MYH10: variants seen among roughly 807,000 people sequenced by gnomAD.
MYH10 encodes myosin heavy chain 10.
MYH10 carries 55 observed loss-of-function variants against 257.8 expected under a neutral mutation model. The ratio of observed to expected loss-of-function variants is 0.21; its 90% CI spans 0.17 to 0.27. The LOEUF is 0.27. Among genes scored for constraint, MYH10 ranks in the 10% least tolerant of loss-of-function variants. MYH10 has a pLI of 1.00. For synonymous variants in MYH10, 854 were observed against 921.7 expected, an observed-to-expected ratio of 0.93 and a Z score of 1.33; for missense variants, 1,631 against 2,500.6, an observed-to-expected ratio of 0.65 and a Z score of 7.42.
At chr17:8,487,654 A>C (rs1219529617) in intron 35 of MYH10, 60 bp from the exon 36 acceptor site, 4 of 1,593,798 alleles carry the variant, frequency 2.5e-6, no homozygotes, top group Non-Finnish European at 8.6e-7. Context: ...CAGAACAGGC[A>C]GACTGTTCTC....
In MYH10 at chr17:8,575,706, A is replaced by G. The variant is rs1418238134; in HGVS notation, c.663+937T>C. 3.9e-5 allele frequency among the ~76,000 whole-genome samples: 6 copies of G among 152,198 alleles called. No individual in the cohort carries two copies. The East Asian group carries it at 1.2e-3, about 29-fold the overall frequency. On this transcript the variant is annotated intron_variant, in intron 6 of 42. Coordinates refer to ENST00000360416, the MANE Select transcript of MYH10 (RefSeq NM_001256012.3). ...TCGATATTATTGTTTCTTGCTTTAT[A>G]TCAGCTTTATATCATTATGTTTGTG...
chr17:8,488,373 C>T (rs1042597329), intron 35 of MYH10, among the ~76,000 whole-genome samples: 2 of 152,204 alleles, frequency 1.3e-5, no homozygotes, highest in Non-Finnish European at 2.9e-5. Flanking sequence ...AGCTGTTGAG[C>T]TCCAAACCTT....
rs760970570 is a variant in MYH10, at chr17:8,477,330, ACT to A, written c.5707-284_5707-283del. On this transcript the variant is annotated intron_variant, in intron 41 of 42. Transcript: ENST00000360416. This position sits in a 1 kb window ranked among gnomAD's most constrained non-coding sequence, Gnocchi z 4.2. ...TTTCTGCAGAAAAATGACAGCGTTT[ACT>A]GTCTTCACACACGTGACCTAGGGGA... Among the ~76,000 whole-genome samples the A allele has an allele frequency of 6.6e-6, 1 of 152,146 alleles. No individual in the cohort carries two copies. Among genetic ancestry groups the A allele is most frequent in the Non-Finnish European group, 1.5e-5 (1 of 68,012 alleles).
At chr17:8,509,741 G>A in intron 25 of MYH10, 71 bp downstream of exon 25, 1 of 1,417,846 alleles carries the variant, frequency 7.1e-7, no homozygotes, top group South Asian at 1.5e-5. Context: ...CTTTCAATGA[G>A]TGTATCAACA....
chr17:8,580,687 G>C (rs1427760892), intron 4 of MYH10, among the ~76,000 whole-genome samples: 3 of 152,094 alleles, frequency 2.0e-5, no homozygotes, highest in Admixed American at 2.0e-4. Flanking sequence ...TTGGCACATA[G>C]ATAAGAAAAT....
chr17:8,548,401 A>C lies in MYH10; in HGVS notation c.1071T>G (p.Leu357=), dbSNP rs2082511938. The C allele has an allele frequency of 1.9e-6, 3 of 1,594,632 alleles. No homozygotes were observed. The highest frequency in any genetic ancestry group is 2.6e-6 in the Non-Finnish European group (3 of 1,171,288). ...ACTGTAGCACTGAAGATACTACTTT[A>C]AGCATTGCTTCATATTGATAAAAAG... The part of the protein sequence containing the change: ...GFSHEEILSM[L]KVVSSVLQFG... Residue 357 remains leucine (L), a synonymous_variant, in exon 11 of 43, where the codon CTT becomes CTG. Coordinates refer to ENST00000360416, the MANE Select transcript of MYH10 (RefSeq NM_001256012.3).
Position 8,577,329 on chromosome 17 carries a change from T to C in MYH10, c.540A>G (p.Ser180=), listed in dbSNP as rs751325168. The change falls in exon 5 of 43, where the codon TCA becomes TCG. Residue 180 remains serine, a synonymous_variant. Transcript: ENST00000360416. ...EDQSILCTGE[S]GAGKTENTKK... ...TTGTATTTTCTGTCTTCCCAGCACC[T>C]GACTCACCCCTGAAAGAAAGAGTTA... The C allele has an allele frequency of 3.1e-5, 50 of 1,607,620 alleles. No individual in the cohort carries two copies. Among genetic ancestry groups the C allele is most frequent in the Non-Finnish European group, 4.0e-5 (47 of 1,175,864 alleles).
intron 14 of MYH10, among the ~76,000 whole-genome samples, chr17:8,538,799 G>C (rs1361435879): frequency 1.3e-5 from 2 of 152,218 alleles, no homozygotes; most frequent in Non-Finnish European, 2.9e-5. Context: ...GGAACATCAT[G>C]ACTTCCCAGC....
intron 7 of MYH10, among the ~76,000 whole-genome samples, chr17:8,566,014 AT>A (rs1178766041): frequency 6.6e-6 from 1 of 152,210 alleles, no homozygotes; most frequent in East Asian, 1.9e-4. Flanking sequence ...TTTGGGCTCA[AT>A]AATTCTAAGC....
At chr17:8,572,474 T>A (rs1457622189) in intron 6 of MYH10, among the ~76,000 whole-genome samples, 1 of 152,228 alleles carries the variant, frequency 6.6e-6, no homozygotes, top group African/African-American at 2.4e-5. Flanking sequence ...TCTGTGATGG[T>A]GGATATCATG....
At chr17:8,511,586 C>T (rs1385329898) in intron 24 of MYH10, among the ~76,000 whole-genome samples, 4 of 152,190 alleles carry the variant, frequency 2.6e-5, no homozygotes, top group Non-Finnish European at 4.4e-5. Flanking sequence ...TTGTACAAAT[C>T]AACACATGGC....
At chr17:8,529,717 A>G (rs148432014) in intron 17 of MYH10, among the ~76,000 whole-genome samples, 2 of 152,364 alleles carry the variant, frequency 1.3e-5, no homozygotes, top group Non-Finnish European at 2.9e-5. Context: ...TGGCCCTTTA[A>G]CATTTTAAAT....
intron 2 of MYH10, among the ~76,000 whole-genome samples, chr17:8,617,344 G>C (rs934946270): frequency 6.6e-6 from 1 of 152,108 alleles, no homozygotes; most frequent in Non-Finnish European, 1.5e-5. Context: ...TCTGAGTTGA[G>C]GCAACAGCTC....
chr17:8,509,970 A>G lies in MYH10; in HGVS notation c.2953-21T>C, dbSNP rs755792566. On this transcript the variant is annotated intron_variant, in intron 24 of 42. Coordinates refer to ENST00000360416, the MANE Select transcript of MYH10 (RefSeq NM_001256012.3). The stretch of plus-strand genomic sequence containing the variant: ...AGGTCCTTGTGAAGAACACACAGTC[A>G]GTCTCGCCACTTTCTCGAGATTTGA... 5 of 1,582,572 alleles carry G rather than the reference A, an allele frequency of 3.2e-6. No homozygotes were observed. The South Asian group carries it at 5.7e-5, about 18-fold the overall frequency.
intron 2 of MYH10, among the ~76,000 whole-genome samples, chr17:8,606,093 A>T (rs12449581): frequency 0.25 from 37,449 of 152,196 alleles, 5,539 homozygotes; most frequent in Admixed American, 0.36. Flanking sequence ...TACAGTAAAT[A>T]TCAATAAACA....
intron 11 of MYH10, 61 bp from the exon 12 acceptor site, chr17:8,546,723 T>G (rs2082456172): frequency 8.2e-7 from 1 of 1,213,888 alleles, no homozygotes; most frequent in Admixed American, 2.0e-5. Context: ...TCACAATATA[T>G]TCAATAAACA....
chr17:8,541,514 G>A (rs2082287101), intron 14 of MYH10, among the ~76,000 whole-genome samples: 1 of 152,094 alleles, frequency 6.6e-6, no homozygotes, highest in Admixed American at 6.5e-5. Context: ...AAAAGTGAAT[G>A]AGTTATACAC....
At chr17:8,572,793 CTGAG>C (rs1206808700) in intron 6 of MYH10, among the ~76,000 whole-genome samples, 1 of 152,170 alleles carries the variant, frequency 6.6e-6, no homozygotes, top group Non-Finnish European at 1.5e-5. Flanking sequence ...ATTGGTGAGA[CTGAG>C]TAACGATCTC....
chr17:8,483,140 T>C (rs1914140838), intron 37 of MYH10, among the ~76,000 whole-genome samples: 3 of 152,122 alleles, frequency 2.0e-5, no homozygotes, highest in South Asian at 4.1e-4. Context: ...GAAACCATAA[T>C]AGAAATTAGA....
Sources: allele counts gnomAD v4.1 joint callset (sites outside exome capture counted in the v4.1 genomes callset), GRCh38; gene constraint gnomAD v4.1.1; non-coding constraint Gnocchi (gnomAD v3.1); transcripts MANE v1.5; gene names NCBI Gene and HGNC (gene_info 2026-07-23, HGNC 2026-07-21).